The following ELP4 variants were observed in gnomAD, a reference collection of about 807,000 sequenced individuals.
The protein encoded by ELP4 is elongator complex protein 4.
A neutral mutation model predicts 48.9 loss-of-function variants in ELP4; 51 were observed. The observed-to-expected ratio is 1.04, with a 90% CI of 0.83 to 1.32. The LOEUF is 1.32. Ranked by LOEUF, ELP4 falls within the 40% of genes most tolerant of loss-of-function variation. The pLI is 0.00. For synonymous variants in ELP4, 210 were observed against 189.2 expected, an observed-to-expected ratio of 1.11 and a Z score of -0.90; for missense variants, 519 against 514.6, an observed-to-expected ratio of 1.01 and a Z score of -0.08.
At chr11:31,544,791 C>T in intron 3 of ELP4, among the ~76,000 whole-genome samples, 1 of 152,164 alleles carries the variant, frequency 6.6e-6, no homozygotes, top group South Asian at 2.1e-4. Context: ...GCCGGGTACT[C>T]CTCTGAGACA....
At chr11:31,770,522 T>C (rs1948117215) in intron 9 of ELP4, among the ~76,000 whole-genome samples, 1 of 150,466 alleles carries the variant, frequency 6.6e-6, no homozygotes, top group Non-Finnish European at 1.5e-5. Context: ...GATTTTTTTT[T>C]CAGTTCTACT....
intron 9 of ELP4, among the ~76,000 whole-genome samples, chr11:31,702,070 C>G (rs1404461974): frequency 6.6e-6 from 1 of 151,926 alleles, no homozygotes; most frequent in South Asian, 2.1e-4. Context: ...TTTTAGTCTC[C>G]TATAATTGTA....
intron 4 of ELP4, among the ~76,000 whole-genome samples, chr11:31,602,087 G>A (rs751091229): frequency 1.1e-4 from 17 of 152,090 alleles, no homozygotes; most frequent in Non-Finnish European, 1.9e-4. Context: ...ATTCTATTGG[G>A]CCTGAGGGGG....
chr11:31,648,082 G>A, intron 8 of ELP4: 1 of 319,216 alleles, frequency 3.1e-6, no homozygotes, highest in Non-Finnish European at 5.8e-6. Flanking sequence ...GCATGGCTGA[G>A]TCAGGTGTAT....
At chr11:31,551,222 C>T (rs772811069) in intron 3 of ELP4, among the ~76,000 whole-genome samples, 1 of 152,268 alleles carries the variant, frequency 6.6e-6, no homozygotes. Context: ...CGTTAGTCCT[C>T]TTTAATTAGG....
intron 9 of ELP4, among the ~76,000 whole-genome samples, chr11:31,735,192 A>G (rs1266872468): frequency 2.6e-5 from 4 of 151,400 alleles, no homozygotes; most frequent in African/African-American, 9.7e-5. Flanking sequence ...AAAAAAAGAG[A>G]TTGGATCCTC....
chr11:31,659,740 C>T (rs986166077), intron 9 of ELP4, among the ~76,000 whole-genome samples: 17 of 152,136 alleles, frequency 1.1e-4, no homozygotes, highest in South Asian at 6.2e-4. Flanking sequence ...GTAATCTCAG[C>T]ACTTTGGGAG....
At chr11:31,736,881 A>G (rs889944508) in intron 9 of ELP4, among the ~76,000 whole-genome samples, 1 of 152,246 alleles carries the variant, frequency 6.6e-6, no homozygotes, top group Non-Finnish European at 1.5e-5. Context: ...ACTGTAAACT[A>G]GTTCAACCAT....
chr11:31,652,001 A>G (rs1945330148), intron 9 of ELP4: 2 of 151,728 alleles, frequency 1.3e-5, no homozygotes, highest in African/African-American at 2.4e-5. Context: ...ACACTTCACC[A>G]TCAGAGCTGA....
chr11:31,510,927 G>C (rs1039611637), intron 1 of ELP4: 1 of 152,226 alleles, frequency 6.6e-6, no homozygotes, highest in Non-Finnish European at 1.5e-5. Context: ...TTTTCATAGT[G>C]TGTGATATGT....
chr11:31,543,946 C>G (rs904823956), intron 3 of ELP4, among the ~76,000 whole-genome samples: 1 of 152,190 alleles, frequency 6.6e-6, no homozygotes, highest in South Asian at 2.1e-4. Context: ...ACCAGACTTG[C>G]ATTGTAAGAA....
chr11:31,670,178 C>T (rs1253330619), intron 9 of ELP4, among the ~76,000 whole-genome samples: 1 of 152,130 alleles, frequency 6.6e-6, no homozygotes, highest in African/African-American at 2.4e-5. Flanking sequence ...ATCTCTTCCT[C>T]TTGCCTTTAT....
At chr11:31,701,770 G>T (rs1313897052) in intron 9 of ELP4, among the ~76,000 whole-genome samples, 1 of 150,388 alleles carries the variant, frequency 6.6e-6, no homozygotes, top group African/African-American at 2.4e-5. Flanking sequence ...TTGAGCCTTG[G>T]TAAATTTTAT....
At chr11:31,515,772 C>T (rs1032824713) in intron 1 of ELP4, among the ~76,000 whole-genome samples, 1 of 152,110 alleles carries the variant, frequency 6.6e-6, no homozygotes, top group Non-Finnish European at 1.5e-5. Flanking sequence ...AATTGGAAAA[C>T]TGTTATGTGA....
At chr11:31,749,180 T>C (rs1947663825) in intron 9 of ELP4, among the ~76,000 whole-genome samples, 1 of 152,136 alleles carries the variant, frequency 6.6e-6, no homozygotes, top group African/African-American at 2.4e-5. Flanking sequence ...CTGTGTGATA[T>C]GCTAAAAAAC....
At position 31,789,910 on chromosome 11, in the gene ELP4, T is replaced by TC. The variant is rs1280870793; in HGVS notation, c.*6388dup. 6.7e-7 allele frequency: 1 copy of TC among 1,489,370 alleles called. No homozygotes were observed. The highest frequency in any genetic ancestry group is 1.2e-5 in the South Asian group (1 of 83,020). 92.3% of individuals were successfully genotyped at this position (1,489,370 alleles called of 1,614,324 possible). A position where few individuals can be genotyped will look rare whatever the true frequency, so the allele number is the denominator to read the frequency against. On this transcript the variant is annotated 3_prime_UTR_variant, in exon 10 of 10. Coordinates refer to ENST00000640961, the MANE Select transcript of ELP4 (RefSeq NM_019040.5). ...GACTGAATTAACACAATATTTCCTT[T>TC]CCTTTTTTTTTTTTTTTTTTTTTTT...
At chr11:31,650,475 C>T (rs190509793) in intron 9 of ELP4, 24 of 319,956 alleles carry the variant, frequency 7.5e-5, no homozygotes, top group Non-Finnish European at 1.1e-4. Flanking sequence ...TCCAAACTTA[C>T]ATGATAAATA....
Position 31,543,393 on chromosome 11 carries a change from C to T in ELP4, c.381+3610C>T, listed in dbSNP as rs887655520. Among the ~76,000 whole-genome samples the T allele has an allele frequency of 2.6e-5, 4 of 151,992 alleles. 1 individual carries two copies. Among genetic ancestry groups the T allele is most frequent in the African/African-American group, 4.8e-5 (2 of 41,358 alleles). On this transcript the variant is annotated intron_variant, in intron 3 of 9. Transcript: ENST00000640961. Reference sequence around the variant, plus strand: ...GGAGTGTAGTGGTGTGATCTTGGCCCACTGCAAGCTCCGCCTCCCGGGTTC... The same window carrying T: ...GGAGTGTAGTGGTGTGATCTTGGCCTACTGCAAGCTCCGCCTCCCGGGTTC...
intron 3 of ELP4, among the ~76,000 whole-genome samples, chr11:31,568,882 C>A (rs1471872641): frequency 1.3e-5 from 2 of 152,006 alleles, no homozygotes; most frequent in Non-Finnish European, 2.9e-5. Flanking sequence ...GTCAGGAGTT[C>A]AAGACCAGCC....
Sources: gnomAD v4.1 joint callset for allele counts (sites outside exome capture counted in the v4.1 genomes callset) on GRCh38, gnomAD v4.1.1 for gene constraint, MANE v1.5 for transcripts, NCBI Gene and HGNC (gene_info 2026-07-23, HGNC 2026-07-21) for gene names.